The following BRD7 variants were observed in gnomAD, a reference collection of about 807,000 sequenced individuals.
BRD7 encodes bromodomain containing 7, also known as bromodomain-containing protein 7.
BRD7 carries 15 observed loss-of-function variants against 82.1 expected under a neutral mutation model. The observed-to-expected ratio is 0.18, with a 90% CI of 0.12 to 0.28. BRD7 has a LOEUF of 0.28. Among genes scored for constraint, BRD7 ranks in the 10% least tolerant of loss-of-function variants. The probability of loss-of-function intolerance (pLI) is 1.00; values close to 1 mark genes in which losing one functional copy is unlikely to be tolerated. For missense variants in BRD7, 638 were observed against 779.9 expected, an observed-to-expected ratio of 0.82 and a Z score of 2.17; for synonymous variants, 232 against 266.9, an observed-to-expected ratio of 0.87 and a Z score of 1.27.
chr16:50,340,401 T>A (rs950293248), intron 5 of BRD7, among the ~76,000 whole-genome samples: 5 of 152,108 alleles, frequency 3.3e-5, no homozygotes, highest in Non-Finnish European at 5.9e-5. Flanking sequence ...ATAAAAAAAA[T>A]GTGAAGAAAA....
At position 50,317,412 on chromosome 16, in the gene BRD7, AG is replaced by A. The variant is rs2036853269; in HGVS notation, c.*1798del. The A allele has an allele frequency of 6.6e-6, 1 of 150,582 alleles. No homozygotes were observed. Among genetic ancestry groups the A allele is most frequent in the African/African-American group, 2.5e-5 (1 of 39,772 alleles). The allele number at this position is 150,582 out of a possible 1,614,324, so 9.3% of individuals were successfully genotyped here. The stretch of plus-strand genomic sequence containing the variant: ...CCGGCGGGGGCTCTCCTGGCAAGTC[AG>A]GAAGGTTTCTGTTGCTAATATAACA... On this transcript the variant is annotated 3_prime_UTR_variant, in exon 17 of 17. Coordinates refer to ENST00000394688, the MANE Select transcript of BRD7 (RefSeq NM_013263.5).
rs1183768872 is a variant in BRD7 at position 50,318,227 on chromosome 16, T to TAA, written c.*982_*983dup. Reference sequence around the variant, plus strand: ...ACTTGAAAATTTGACTCTTTTAGCATAAGATTTTAAGTCTTTTGAGGGAAT... The same window carrying TAA: ...ACTTGAAAATTTGACTCTTTTAGCATAAAAGATTTTAAGTCTTTTGAGGGAAT... On this transcript the variant is annotated 3_prime_UTR_variant, in exon 17 of 17. Transcript: ENST00000394688. The TAA allele has an allele frequency of 5.3e-5, 8 of 152,242 alleles. No homozygotes were observed. In the East Asian group the frequency reaches 1.5e-3, roughly 29 times the overall value. 9.4% of individuals were successfully genotyped at this position (152,242 alleles called of 1,614,324 possible).
chr16:50,351,388 A>G (rs1049701269), intron 4 of BRD7, among the ~76,000 whole-genome samples: 1 of 152,226 alleles, frequency 6.6e-6, no homozygotes, highest in African/African-American at 2.4e-5. Context: ...GCAAAAATAC[A>G]TAGTCAGGAC....
At chr16:50,346,086 A>G (rs537293786) in intron 5 of BRD7, among the ~76,000 whole-genome samples, 8 of 152,382 alleles carry the variant, frequency 5.2e-5, no homozygotes, top group Non-Finnish European at 1.0e-4. Flanking sequence ...ACCACAGTGC[A>G]ATCAAACTAG....
Position 50,341,967 on chromosome 16 carries a change from C to CACA in BRD7, c.592-1882_592-1881insTGT, listed in dbSNP as rs571195473. ...ACACACACACACACACACACACACA[C>CACA]ATTTTACTTCAACTGCCAAATGAAC... is the stretch of plus-strand genomic sequence containing the variant. On this transcript the variant is annotated intron_variant, in intron 5 of 16. Coordinates refer to ENST00000394688, the MANE Select transcript of BRD7 (RefSeq NM_013263.5). Among the ~76,000 whole-genome samples the CACA allele has an allele frequency of 1.4e-4, 21 of 149,206 alleles. No individual in the cohort carries two copies. The South Asian group carries it at 3.8e-3, about 27-fold the overall frequency.
intron 5 of BRD7, among the ~76,000 whole-genome samples, chr16:50,341,566 C>A (rs2038054211): frequency 6.7e-6 from 1 of 149,830 alleles, no homozygotes; most frequent in South Asian, 2.1e-4. Flanking sequence ...TTGCTTGAAC[C>A]CTGAACGTGG....
chr16:50,317,905 C>CAAAT lies in BRD7; in HGVS notation c.*1305_*1306insATTT, dbSNP rs1567591264. ...TTGAGGAAATTTCCTAACAAACAAA[C>CAAAT]AAACAAACAAACAGAAGAGAAGATC... On this transcript the variant is annotated 3_prime_UTR_variant, in exon 17 of 17. Coordinates refer to ENST00000394688, the MANE Select transcript of BRD7 (RefSeq NM_013263.5). 1 of 151,872 alleles carries CAAAT rather than the reference C, an allele frequency of 6.6e-6. No individual in the cohort carries two copies. The highest frequency in any genetic ancestry group is 1.5e-5 in the Non-Finnish European group (1 of 67,976). The allele number at this position is 151,872 out of a possible 1,614,324, so 9.4% of individuals were successfully genotyped here. A position where few individuals can be genotyped will look rare whatever the true frequency, so the allele number is the denominator to read the frequency against.
rs1020171891 is a variant in BRD7 at position 50,368,707 on chromosome 16, A to G, written c.49+19T>C. ...GAGCCGCCGAGGGCCCGCCGCCCGCACCCCGGCCCCCTCCTCACCCTCGTA... is the reference window on the plus strand; with the variant it reads ...GAGCCGCCGAGGGCCCGCCGCCCGCGCCCCGGCCCCCTCCTCACCCTCGTA... On this transcript the variant is annotated intron_variant, in intron 1 of 16. Coordinates refer to ENST00000394688, the MANE Select transcript of BRD7 (RefSeq NM_013263.5). The G allele has an allele frequency of 2.6e-6, 4 of 1,548,058 alleles. No individual in the cohort carries two copies. In the African/African-American group the frequency reaches 5.7e-5, roughly 22 times the overall value.
intron 8 of BRD7, among the ~76,000 whole-genome samples, chr16:50,332,593 G>C (rs533297661): frequency 6.6e-6 from 1 of 152,238 alleles, no homozygotes; most frequent in East Asian, 1.9e-4. Context: ...ATTTCCCAAA[G>C]AACTAAAAAT....
At chr16:50,368,349 C>A in intron 1 of BRD7, 51 bp from the exon 2 acceptor site, 1 of 1,582,032 alleles carries the variant, frequency 6.3e-7, no homozygotes, top group Non-Finnish European at 8.6e-7. Flanking sequence ...AAAATCGGGG[C>A]TCTCCAGGGA....
intron 8 of BRD7, 45 bp from the exon 9 acceptor site, chr16:50,328,789 A>C (rs749424591): frequency 3.8e-6 from 6 of 1,559,268 alleles, no homozygotes; most frequent in Non-Finnish European, 5.3e-6. Flanking sequence ...TGTTTTATAC[A>C]AACAGGCTGA....
chr16:50,329,153 A>C (rs34582796), intron 8 of BRD7, among the ~76,000 whole-genome samples: 1 of 151,920 alleles, frequency 6.6e-6, no homozygotes, highest in East Asian at 1.9e-4. Flanking sequence ...AACCAAACTA[A>C]TATTACAGGT....
chr16:50,317,415 A>G lies in BRD7; in HGVS notation c.*1796T>C, dbSNP rs2036853608. ...GCGGGGGCTCTCCTGGCAAGTCAGG[A>G]AGGTTTCTGTTGCTAATATAACATA... is the stretch of plus-strand genomic sequence containing the variant. On this transcript the variant is annotated 3_prime_UTR_variant, in exon 17 of 17. Coordinates refer to ENST00000394688, the MANE Select transcript of BRD7 (RefSeq NM_013263.5). The G allele has an allele frequency of 1.3e-5, 2 of 150,440 alleles. No homozygotes were observed. Among genetic ancestry groups the G allele is most frequent in the South Asian group, 4.1e-4 (2 of 4,828 alleles). The allele number at this position is 150,440 out of a possible 1,614,324, so 9.3% of individuals were successfully genotyped here.
rs917667876 is a variant in BRD7 at position 50,317,915 on chromosome 16, A to G, written c.*1296T>C. The G allele has an allele frequency of 6.6e-6, 1 of 150,460 alleles. No homozygotes were observed. The highest frequency in any genetic ancestry group is 2.4e-5 in the African/African-American group (1 of 41,200). 9.3% of individuals were successfully genotyped at this position (150,460 alleles called of 1,614,324 possible). A position where few individuals can be genotyped will look rare whatever the true frequency, so the allele number is the denominator to read the frequency against. ...TTCCTAACAAACAAACAAACAAACA[A>G]ACAGAAGAGAAGATCATTAACCACT... On this transcript the variant is annotated 3_prime_UTR_variant, in exon 17 of 17. Coordinates refer to ENST00000394688, the MANE Select transcript of BRD7 (RefSeq NM_013263.5).
chr16:50,329,808 A>G lies in BRD7; in HGVS notation c.1012-1064T>C, dbSNP rs140103224. On this transcript the variant is annotated intron_variant, in intron 8 of 16. Transcript: ENST00000394688. ...AGTAGGAATTACAATTAGGAAAAAT[A>G]TTTTTTAAAAAAGAGCTCTATATTC... 2.7e-3 allele frequency among the ~76,000 whole-genome samples: 418 copies of G among 152,320 alleles called. 1 individual carries two copies. The highest frequency in any genetic ancestry group is 9.7e-3 in the African/African-American group (402 of 41,570).
At chr16:50,343,122 G>C (rs994572858) in intron 5 of BRD7, among the ~76,000 whole-genome samples, 11 of 152,290 alleles carry the variant, frequency 7.2e-5, no homozygotes, top group African/African-American at 2.6e-4. Context: ...CTTCTCTTTA[G>C]TATTTCTGGA....
intron 14 of BRD7, 126 bp from the exon 15 acceptor site, chr16:50,320,517 C>T (rs2037052582): frequency 7.0e-7 from 1 of 1,434,270 alleles, no homozygotes. Context: ...CTTGAAATGA[C>T]ATCAACACGC....
At chr16:50,328,826 C>A (rs1013588706) in intron 8 of BRD7, 82 bp from the exon 9 acceptor site, 1 of 1,300,212 alleles carries the variant, frequency 7.7e-7, no homozygotes, top group Non-Finnish European at 1.1e-6. Flanking sequence ...ATGCTTGATA[C>A]CAGAGTGTTG....
intron 5 of BRD7, chr16:50,348,948 C>G (rs1212131841): frequency 2.6e-5 from 4 of 152,326 alleles, no homozygotes; most frequent in African/African-American, 9.7e-5. Flanking sequence ...TATAAAGACA[C>G]ATGCGCACGT....
Sources: gnomAD v4.1 joint callset for allele counts (sites outside exome capture counted in the v4.1 genomes callset) on GRCh38, gnomAD v4.1.1 for gene constraint, MANE v1.5 for transcripts, NCBI Gene and HGNC (gene_info 2026-07-23, HGNC 2026-07-21) for gene names.